The following GALNT13 variants were observed in gnomAD, a reference collection of about 807,000 sequenced individuals.
GALNT13 encodes UDP-GalNAc:polypeptide N-acetylgalactosaminyltransferase 13.
A neutral mutation model predicts 64.2 loss-of-function variants in GALNT13; 28 were observed. The observed-to-expected ratio is 0.44, with a 90% CI of 0.32 to 0.60. The LOEUF (loss-of-function observed/expected upper bound fraction) is 0.60, where lower values mean the gene tolerates loss of function less well. Among genes scored for constraint, GALNT13 ranks in the 20% least tolerant of loss-of-function variants. GALNT13 has a pLI of 0.05. For missense variants in GALNT13, 577 were observed against 669.8 expected (o/e 0.86, Z 1.53); for synonymous variants, 214 against 224.6 (o/e 0.95, Z 0.42).
the GALNT13 span, among the ~76,000 whole-genome samples, chr2:153,354,689 C>T: frequency 6.6e-6 from 1 of 152,192 alleles, no homozygotes; most frequent in African/African-American, 2.4e-5. Context: ...CCAGGAAAAT[C>T]AGACCAACCC....
chr2:153,098,758 G>T, the GALNT13 span, among the ~76,000 whole-genome samples: 1 of 152,040 alleles, frequency 6.6e-6, no homozygotes, highest in Non-Finnish European at 1.5e-5. Context: ...TCTCAGGGTG[G>T]AATTGACTGG....
the GALNT13 span, among the ~76,000 whole-genome samples, chr2:153,367,454 A>G: frequency 2.6e-5 from 4 of 152,140 alleles, no homozygotes; most frequent in African/African-American, 9.7e-5. Flanking sequence ...TTATACAAGA[A>G]TGGGAACTTT....
In GALNT13 at chr2:154,237,741, C is replaced by A. The variant is rs1168770910; in HGVS notation, c.312-4289C>A. 2.0e-5 allele frequency among the ~76,000 whole-genome samples: 3 copies of A among 151,470 alleles called. No individual in the cohort carries two copies. The East Asian group carries it at 5.8e-4, about 29-fold the overall frequency. On this transcript the variant is annotated intron_variant, in intron 4 of 12. Transcript: ENST00000392825. ...TTTTTCAAACATGGTCACAGCTGTT[C>A]ATATAGCCATTGCTTCATCTAGATT...
At chr2:153,226,133 C>T in the GALNT13 span, among the ~76,000 whole-genome samples, 1 of 151,956 alleles carries the variant, frequency 6.6e-6, no homozygotes, top group Non-Finnish European at 1.5e-5. Context: ...GGGGTTTCAC[C>T]ATATTGGCCA....
At chr2:153,444,611 G>T in the GALNT13 span, among the ~76,000 whole-genome samples, 1 of 152,148 alleles carries the variant, frequency 6.6e-6, no homozygotes, top group Non-Finnish European at 1.5e-5. Context: ...GATGTACACT[G>T]ATAGATAAGA....
intron 10 of GALNT13, among the ~76,000 whole-genome samples, chr2:154,401,880 C>G (rs799755): frequency 0.34 from 51,650 of 151,904 alleles, 9,208 homozygotes; most frequent in African/African-American, 0.44. Flanking sequence ...ATCCAGTTCT[C>G]CATAAGTGAA....
the GALNT13 span, among the ~76,000 whole-genome samples, chr2:153,160,744 A>G: frequency 1.3e-5 from 2 of 152,168 alleles, no homozygotes; most frequent in Non-Finnish European, 2.9e-5. Context: ...CCCCCACTCA[A>G]TCAATTGATT....
At chr2:153,927,083 A>G (rs1394152367) in intron 2 of GALNT13, among the ~76,000 whole-genome samples, 1 of 152,084 alleles carries the variant, frequency 6.6e-6, no homozygotes, top group African/African-American at 2.4e-5. Context: ...TATTTAAAAC[A>G]GTGTTCAGTG....
chr2:153,567,333 G>A, the GALNT13 span, among the ~76,000 whole-genome samples: 1 of 152,214 alleles, frequency 6.6e-6, no homozygotes. Flanking sequence ...AGCAGTGTGA[G>A]GAATTCTGGA....
the GALNT13 span, among the ~76,000 whole-genome samples, chr2:153,838,003 A>G: frequency 6.6e-6 from 1 of 151,938 alleles, no homozygotes; most frequent in Non-Finnish European, 1.5e-5. Flanking sequence ...TTGATTTGCA[A>G]TTCTTTGATA....
At chr2:153,589,217 G>A in the GALNT13 span, among the ~76,000 whole-genome samples, 14 of 152,188 alleles carry the variant, frequency 9.2e-5, 1 homozygote, top group East Asian at 2.3e-3. Context: ...CACAAATCTC[G>A]AGGGCAGGGG....
At chr2:153,975,443 G>C (rs780034381) in intron 3 of GALNT13, among the ~76,000 whole-genome samples, 19 of 151,884 alleles carry the variant, frequency 1.3e-4, no homozygotes, top group Non-Finnish European at 1.9e-4. Context: ...TTTATCACTT[G>C]CCTTTCTCTG....
chr2:154,378,727 A>G (rs1216941813), intron 9 of GALNT13, among the ~76,000 whole-genome samples: 1 of 152,040 alleles, frequency 6.6e-6, no homozygotes, highest in Non-Finnish European at 1.5e-5. Context: ...TAAATTTCAC[A>G]TATGAGTGAG....
chr2:154,381,246 T>TA (rs1040704434), intron 9 of GALNT13, among the ~76,000 whole-genome samples: 12 of 152,134 alleles, frequency 7.9e-5, no homozygotes, highest in Middle Eastern at 3.4e-3. Context: ...AACCACTTTT[T>TA]ATCAATAAAT....
intron 4 of GALNT13, among the ~76,000 whole-genome samples, chr2:154,214,254 T>C (rs1687927168): frequency 6.6e-6 from 1 of 152,166 alleles, no homozygotes; most frequent in Admixed American, 6.5e-5. Context: ...TGCTGTCCAG[T>C]CTTCCTCTTT....
the GALNT13 span, among the ~76,000 whole-genome samples, chr2:153,691,741 T>G: frequency 6.6e-6 from 1 of 152,060 alleles, no homozygotes; most frequent in Non-Finnish European, 1.5e-5. Context: ...GAAAATAAAT[T>G]TTGTTAAGGA....
chr2:154,416,681 A>C (rs1299578414), intron 11 of GALNT13, among the ~76,000 whole-genome samples: 3 of 152,120 alleles, frequency 2.0e-5, no homozygotes, highest in African/African-American at 4.8e-5. Flanking sequence ...CTTTACCCTC[A>C]AGTTCTTCAA....
intron 9 of GALNT13, among the ~76,000 whole-genome samples, chr2:154,362,122 A>G (rs1479302774): frequency 1.2e-5 from 1 of 85,552 alleles, no homozygotes; most frequent in East Asian, 4.8e-4. Flanking sequence ...GAGTGTCCAC[A>G]GGAACTGGTG....
At chr2:153,134,220 T>C in the GALNT13 span, among the ~76,000 whole-genome samples, 1 of 151,868 alleles carries the variant, frequency 6.6e-6, no homozygotes. Context: ...GCATCCAATG[T>C]CTCTTACTTA....
Sources: allele counts gnomAD v4.1 joint callset (sites outside exome capture counted in the v4.1 genomes callset), GRCh38; gene constraint gnomAD v4.1.1; transcripts MANE v1.5; gene names NCBI Gene and HGNC (gene_info 2026-07-23, HGNC 2026-07-21).